RPTOR: variants seen among roughly 807,000 people sequenced by gnomAD.
RPTOR encodes regulatory associated protein of MTOR complex 1.
Under a neutral mutation model 169.9 loss-of-function variants are expected in RPTOR, and 21 were observed. The observed-to-expected ratio is 0.12, with a 90% CI of 0.09 to 0.18. The LOEUF (loss-of-function observed/expected upper bound fraction) is 0.18. RPTOR is among the 10% of genes least tolerant of loss of function. RPTOR has a pLI of 1.00. For missense variants in RPTOR, 1,133 were observed against 1,855.9 expected (o/e 0.61, Z 7.16); for synonymous variants, 732 against 753.2 (o/e 0.97, Z 0.46).
At chr17:80,928,581 T>C (rs1387309446) in intron 24 of RPTOR, among the ~76,000 whole-genome samples, 2 of 152,178 alleles carry the variant, frequency 1.3e-5, no homozygotes, top group Non-Finnish European at 2.9e-5. Flanking sequence ...TCTGCTAACG[T>C]TTTTATTAGT....
intron 1 of RPTOR, among the ~76,000 whole-genome samples, chr17:80,554,784 C>CAAA (rs879827984): frequency 1.5e-3 from 218 of 147,920 alleles, no homozygotes; most frequent in South Asian, 7.2e-3. Flanking sequence ...ACAACAACAA[C>CAAA]AAAAAAAATG....
chr17:80,863,209 C>G (rs182876919), intron 13 of RPTOR, among the ~76,000 whole-genome samples: 148 of 152,262 alleles, frequency 9.7e-4, no homozygotes, highest in Non-Finnish European at 1.5e-3. Flanking sequence ...ACAGATGGTA[C>G]CGCACAGGAC....
At chr17:80,665,387 C>T (rs1370830717) in intron 3 of RPTOR, among the ~76,000 whole-genome samples, 2 of 5,618 alleles carry the variant, frequency 3.6e-4, no homozygotes, top group East Asian at 4.8e-3. Context: ...CCTTTCCTTT[C>T]CTTTCCTTTC....
chr17:80,683,456 C>T (rs1043323134), intron 3 of RPTOR, among the ~76,000 whole-genome samples: 3 of 152,182 alleles, frequency 2.0e-5, no homozygotes, highest in African/African-American at 7.2e-5. Context: ...CATTTCTCCG[C>T]TGCGGAGTTG....
chr17:80,880,713 C>G (rs1362089760), intron 14 of RPTOR, among the ~76,000 whole-genome samples: 3 of 152,232 alleles, frequency 2.0e-5, no homozygotes, highest in African/African-American at 7.2e-5. Flanking sequence ...TAAACAAGAG[C>G]TCAGTTAACC....
chr17:80,559,820 G>A (rs2084457048), intron 1 of RPTOR, among the ~76,000 whole-genome samples: 1 of 152,194 alleles, frequency 6.6e-6, no homozygotes, highest in African/African-American at 2.4e-5. Context: ...CCTCGGAATG[G>A]CTAACGCTGG....
intron 7 of RPTOR, among the ~76,000 whole-genome samples, chr17:80,811,757 T>A (rs2067275388): frequency 1.3e-5 from 2 of 150,062 alleles, no homozygotes; most frequent in African/African-American, 4.9e-5. Context: ...TCAACCTCAC[T>A]CTACCCAAGG....
intron 1 of RPTOR, among the ~76,000 whole-genome samples, chr17:80,611,769 T>TTA (rs1555596038): frequency 4.1e-3 from 589 of 142,716 alleles, no homozygotes; most frequent in Middle Eastern, 0.014. Context: ...TTTTTTTTTT[T>TTA]AAAAAAAACA....
chr17:80,842,468 G>A (rs1188338311), intron 10 of RPTOR, among the ~76,000 whole-genome samples: 1 of 152,068 alleles, frequency 6.6e-6, no homozygotes, highest in Non-Finnish European at 1.5e-5. Flanking sequence ...GGGTCCCAGG[G>A]TTTGCCCATA....
At chr17:80,664,653 G>A (rs1264736162) in intron 3 of RPTOR, among the ~76,000 whole-genome samples, 1 of 152,154 alleles carries the variant, frequency 6.6e-6, no homozygotes, top group Non-Finnish European at 1.5e-5. Flanking sequence ...ACCTTGGCAG[G>A]CTTGGGAAGT....
At chr17:80,893,972 T>C in intron 20 of RPTOR, 107 bp downstream of exon 20, 2 of 1,176,676 alleles carry the variant, frequency 1.7e-6, no homozygotes, top group South Asian at 1.9e-5. Context: ...GTCAAAACTG[T>C]CTGTTCAAAA....
chr17:80,812,058 C>T, intron 7 of RPTOR, among the ~76,000 whole-genome samples: 1 of 152,266 alleles, frequency 6.6e-6, no homozygotes, highest in Non-Finnish European at 1.5e-5. Flanking sequence ...CAACCTCAGC[C>T]CTACCTGGGG....
At chr17:80,744,701 T>A (rs1453736178) in intron 5 of RPTOR, among the ~76,000 whole-genome samples, 1 of 32,758 alleles carries the variant, frequency 3.1e-5, no homozygotes, top group African/African-American at 3.2e-4. Context: ...CTACTAGCAC[T>A]GTCCTGGCTA....
chr17:80,618,288 A>G (rs2065328190), intron 1 of RPTOR, among the ~76,000 whole-genome samples: 1 of 152,204 alleles, frequency 6.6e-6, no homozygotes, highest in Admixed American at 6.5e-5. Flanking sequence ...TGCCTGGCCA[A>G]AACAGTTGCA....
intron 1 of RPTOR, among the ~76,000 whole-genome samples, chr17:80,606,385 A>AT (rs1411650809): frequency 1.1e-5 from 1 of 87,666 alleles, no homozygotes; most frequent in Non-Finnish European, 2.3e-5. Context: ...TAATTTTTTT[A>AT]TTTTTTGTTT....
rs552086537 is a variant in RPTOR at position 80,803,174 on chromosome 17, T to C, written c.890+11665T>C. 3 of 152,422 alleles carry C rather than the reference T, an allele frequency of 2.0e-5. No individual in the cohort carries two copies. The highest frequency in any genetic ancestry group is 2.9e-5 in the Non-Finnish European group (2 of 68,082). The allele number at this position is 152,422 out of a possible 1,614,324, so 9.4% of individuals were successfully genotyped here. On this transcript the variant is annotated intron_variant, in intron 7 of 33. Transcript: ENST00000306801. This position sits in a 1 kb window ranked among gnomAD's most constrained non-coding sequence, Gnocchi z 6.2. ...ACTTGCAATCGGTGATAAAGCAGTG[T>C]GGCGTGAGGCGCCAGCATAACCGGG... is the stretch of plus-strand genomic sequence containing the variant.
chr17:80,814,738 G>T (rs535705308), intron 7 of RPTOR, among the ~76,000 whole-genome samples: 128 of 152,322 alleles, frequency 8.4e-4, no homozygotes, highest in African/African-American at 3.0e-3. Flanking sequence ...GTAACAGCAA[G>T]ATGAAGAAAG....
At chr17:80,937,294 T>C (rs943296716) in intron 24 of RPTOR, among the ~76,000 whole-genome samples, 2 of 152,134 alleles carry the variant, frequency 1.3e-5, no homozygotes, top group African/African-American at 2.4e-5. Flanking sequence ...TTTTATCCCC[T>C]GCACCTTGAA....
intron 11 of RPTOR, among the ~76,000 whole-genome samples, chr17:80,850,329 A>G (rs2143726541): frequency 6.6e-6 from 1 of 152,292 alleles, no homozygotes; most frequent in South Asian, 2.1e-4. Flanking sequence ...TCTGTTTCTG[A>G]GTTATTCCAC....
Sources: allele counts gnomAD v4.1 joint callset (sites outside exome capture counted in the v4.1 genomes callset), GRCh38; gene constraint gnomAD v4.1.1; non-coding constraint Gnocchi (gnomAD v3.1); transcripts MANE v1.5; gene names NCBI Gene and HGNC (gene_info 2026-07-23, HGNC 2026-07-21).